ROBO1: variants seen among roughly 807,000 people sequenced by gnomAD.
The protein encoded by ROBO1 is roundabout guidance receptor 1.
ROBO1 carries 149 observed loss-of-function variants against 195.9 expected under a neutral mutation model. That is an observed-to-expected ratio of 0.76 (90% confidence interval 0.67 to 0.87). The LOEUF is 0.87. ROBO1 is among the 40% of genes least tolerant of loss of function. The probability of loss-of-function intolerance (pLI) is 0.00; values close to 1 mark genes in which losing one functional copy is unlikely to be tolerated. For missense variants in ROBO1, 1,933 were observed against 2,068.3 expected, an observed-to-expected ratio of 0.93 and a Z score of 1.27; for synonymous variants, 816 against 733.2, an observed-to-expected ratio of 1.11 and a Z score of -1.82.
At chr3:79,446,496 T>C (rs576912837) in intron 2 of ROBO1, among the ~76,000 whole-genome samples, 1 of 152,194 alleles carries the variant, frequency 6.6e-6, no homozygotes, top group South Asian at 2.1e-4. Flanking sequence ...CTGCAATTAG[T>C]GTTGCTTATA....
At chr3:79,064,478 TGTTA>T (rs1472363799) in intron 3 of ROBO1, among the ~76,000 whole-genome samples, 1 of 151,956 alleles carries the variant, frequency 6.6e-6, no homozygotes, top group Non-Finnish European at 1.5e-5. Flanking sequence ...TACTTCACCC[TGTTA>T]GTGTCTATTC....
At chr3:79,260,141 G>A (rs2082913095) in intron 2 of ROBO1, among the ~76,000 whole-genome samples, 1 of 151,170 alleles carries the variant, frequency 6.6e-6, no homozygotes, top group South Asian at 2.1e-4. Flanking sequence ...TTCCCATAAT[G>A]TTATTGAAAG....
chr3:78,765,373 A>G (rs2083204468), intron 4 of ROBO1, among the ~76,000 whole-genome samples: 1 of 151,990 alleles, frequency 6.6e-6, no homozygotes, highest in Non-Finnish European at 1.5e-5. Context: ...TTTTTTAAAA[A>G]AATATAGAAA....
intron 1 of ROBO1, among the ~76,000 whole-genome samples, chr3:79,623,605 G>A (rs554410159): frequency 1.5e-4 from 23 of 152,112 alleles, no homozygotes; most frequent in Non-Finnish European, 2.9e-4. Flanking sequence ...AGAGTTGGAA[G>A]ACTGCCTTAT....
intron 3 of ROBO1, among the ~76,000 whole-genome samples, chr3:79,119,332 G>A (rs1447056835): frequency 1.3e-5 from 2 of 152,138 alleles, no homozygotes; most frequent in African/African-American, 2.4e-5. Flanking sequence ...AATTACGCAT[G>A]TCTACTACCT....
chr3:78,721,287 C>T (rs951060815), intron 5 of ROBO1, among the ~76,000 whole-genome samples: 7 of 151,988 alleles, frequency 4.6e-5, no homozygotes, highest in East Asian at 1.9e-4. Context: ...ACCTTTCATG[C>T]GCTGATTTTG....
chr3:79,392,415 T>G (rs1236229957), intron 2 of ROBO1, among the ~76,000 whole-genome samples: 1 of 152,134 alleles, frequency 6.6e-6, no homozygotes, highest in African/African-American at 2.4e-5. Context: ...TGGAGTCTAT[T>G]TCTGTAATAA....
At chr3:79,699,105 A>C (rs1947534943) in intron 1 of ROBO1, among the ~76,000 whole-genome samples, 1 of 150,168 alleles carries the variant, frequency 6.7e-6, no homozygotes, top group Non-Finnish European at 1.5e-5. Flanking sequence ...ATATGACATT[A>C]ACATTTATGG....
At chr3:79,010,492 A>G (rs2077750061) in intron 3 of ROBO1, among the ~76,000 whole-genome samples, 1 of 152,166 alleles carries the variant, frequency 6.6e-6, no homozygotes, top group African/African-American at 2.4e-5. Context: ...AGGCATTATC[A>G]GTATTACCAT....
At chr3:78,693,181 C>G in intron 8 of ROBO1, 3 of 839,958 alleles carry the variant, frequency 3.6e-6, no homozygotes, top group Non-Finnish European at 5.4e-6. Flanking sequence ...GTTACCCATA[C>G]TTCCTGCAGA....
chr3:78,662,369 G>C (rs978385656), intron 14 of ROBO1, among the ~76,000 whole-genome samples: 1 of 152,144 alleles, frequency 6.6e-6, no homozygotes, highest in African/African-American at 2.4e-5. Flanking sequence ...AGGAAGCAAA[G>C]ACAACAATGG....
intron 1 of ROBO1, among the ~76,000 whole-genome samples, chr3:79,593,415 C>A (rs754695511): frequency 6.6e-6 from 1 of 152,034 alleles, no homozygotes; most frequent in Non-Finnish European, 1.5e-5. Flanking sequence ...TCCTTGCTAG[C>A]AGCTGGTGTT....
At chr3:79,550,656 G>C (rs898081421) in intron 2 of ROBO1, among the ~76,000 whole-genome samples, 2 of 152,132 alleles carry the variant, frequency 1.3e-5, no homozygotes, top group South Asian at 4.1e-4. Flanking sequence ...AATTATTAGG[G>C]AGAAATAATT....
At position 79,190,828 on chromosome 3, in the gene ROBO1, AT is replaced by A. The variant is rs572740108; in HGVS notation, c.89-65290del. Among the ~76,000 whole-genome samples the A allele has an allele frequency of 5.3e-5, 8 of 151,802 alleles. No homozygotes were observed. The East Asian group carries it at 1.5e-3, about 29-fold the overall frequency. ...GCGGATTATGTTCTTCAATAATACC[AT>A]TGTTTCTAGTGAAACTGTGATTAAT... is the stretch of plus-strand genomic sequence containing the variant. On this transcript the variant is annotated intron_variant, in intron 2 of 30. Coordinates refer to ENST00000464233, the MANE Select transcript of ROBO1 (RefSeq NM_002941.4).
In ROBO1 at chr3:79,691,397, ATAT is replaced by A. The variant is rs1947293795; in HGVS notation, c.-51+76352_-51+76354del. ...GTGACAATAGTAGATAAGGTGTAAA[ATAT>A]TATTCTTTACATAATAGAGTATATG... On this transcript the variant is annotated intron_variant, in intron 1 of 30. Transcript: ENST00000464233. 2.0e-5 allele frequency among the ~76,000 whole-genome samples: 3 copies of A among 151,736 alleles called. No individual in the cohort carries two copies. In the Admixed American group the frequency reaches 2.0e-4, roughly 10 times the overall value.
At chr3:78,917,016 G>A (rs2038641092) in intron 4 of ROBO1, among the ~76,000 whole-genome samples, 1 of 151,710 alleles carries the variant, frequency 6.6e-6, no homozygotes, top group African/African-American at 2.4e-5. Flanking sequence ...TTCATTATGA[G>A]CTCTCAAGCT....
At chr3:78,962,580 C>T (rs1240839656) in intron 3 of ROBO1, among the ~76,000 whole-genome samples, 1 of 151,886 alleles carries the variant, frequency 6.6e-6, no homozygotes, top group East Asian at 1.9e-4. Flanking sequence ...AATCCCAGCA[C>T]TTTGGGAGGC....
At chr3:79,620,669 A>T (rs1016494148) in intron 1 of ROBO1, among the ~76,000 whole-genome samples, 1 of 151,798 alleles carries the variant, frequency 6.6e-6, no homozygotes, top group South Asian at 2.1e-4. Flanking sequence ...CCTCCTTCAC[A>T]TCCTCCCCTT....
chr3:79,329,775 A>C (rs747627275), intron 2 of ROBO1, among the ~76,000 whole-genome samples: 23 of 152,174 alleles, frequency 1.5e-4, no homozygotes, highest in Non-Finnish European at 2.9e-4. Context: ...TTGTCTAGTA[A>C]ATCTCAAGCA....
Sources: allele counts gnomAD v4.1 joint callset (sites outside exome capture counted in the v4.1 genomes callset), GRCh38; gene constraint gnomAD v4.1.1; transcripts MANE v1.5; gene names NCBI Gene and HGNC (gene_info 2026-07-23, HGNC 2026-07-21).